HELQ: variants seen among roughly 807,000 people sequenced by gnomAD.
HELQ encodes helicase, POLQ like, also known as helicase POLQ-like.
A neutral mutation model predicts 111.6 loss-of-function variants in HELQ; 77 were observed. The ratio of observed to expected loss-of-function variants is 0.69; its 90% CI spans 0.57 to 0.83. HELQ has a LOEUF of 0.83. Among genes scored for constraint, HELQ ranks in the 40% least tolerant of loss-of-function variants. The pLI is 0.00. For missense variants in HELQ, 1,200 were observed against 1,288.5 expected, an observed-to-expected ratio of 0.93 and a Z score of 1.05; for synonymous variants, 438 against 454.7, an observed-to-expected ratio of 0.96 and a Z score of 0.47.
intron 17 of HELQ, among the ~76,000 whole-genome samples, chr4:83,415,951 T>TA (rs1309748142): frequency 6.7e-6 from 1 of 149,678 alleles, no homozygotes; most frequent in African/African-American, 2.5e-5. Context: ...CCAGCCATTT[T>TA]TTTTTTTTTT....
chr4:83,428,245 G>A (rs1240057933), intron 12 of HELQ, among the ~76,000 whole-genome samples: 1 of 150,500 alleles, frequency 6.6e-6, no homozygotes, highest in Middle Eastern at 3.5e-3. Context: ...ATATCAAACT[G>A]GTAGTAGTAG....
chr4:83,451,801 G>C (rs1578107046), intron 2 of HELQ, among the ~76,000 whole-genome samples: 2 of 152,220 alleles, frequency 1.3e-5, no homozygotes, highest in Admixed American at 6.5e-5. Context: ...AGGGAAGAAA[G>C]TTAACGTCTA....
chr4:83,424,476 T>A (rs747752548), intron 14 of HELQ, among the ~76,000 whole-genome samples: 4 of 152,204 alleles, frequency 2.6e-5, no homozygotes, highest in African/African-American at 4.8e-5. Flanking sequence ...GCCCATGCTA[T>A]CCTGAAACTC....
At chr4:83,421,497 ATTAG>A (rs1739680116) in intron 15 of HELQ, 62 bp downstream of exon 15, 7 of 1,202,016 alleles carry the variant, frequency 5.8e-6, no homozygotes, top group Non-Finnish European at 8.3e-6. Flanking sequence ...TAACTGGCTT[ATTAG>A]TTTAGTAACA....
intron 2 of HELQ, among the ~76,000 whole-genome samples, chr4:83,451,176 A>G (rs1721342796): frequency 1.3e-5 from 2 of 152,234 alleles, no homozygotes; most frequent in Non-Finnish European, 2.9e-5. Context: ...AGAAGCTACC[A>G]ATGTAATTAC....
intron 17 of HELQ, among the ~76,000 whole-genome samples, chr4:83,409,305 C>G (rs1197698753): frequency 6.6e-6 from 1 of 152,126 alleles, no homozygotes; most frequent in African/African-American, 2.4e-5. Flanking sequence ...AATCCCAGCA[C>G]TTTGAGAGGC....
chr4:83,455,751 A>C lies in HELQ; in HGVS notation c.-58T>G, dbSNP rs1024001984. On this transcript the variant is annotated 5_prime_UTR_variant, in exon 1 of 18. It removes an upstream start codon present in the reference 5' UTR. Transcript: ENST00000295488. Reference sequence around the variant, plus strand: ...TCTCAGTGACCCAGACGCTAAGCCCATATGGAAGGGAGAGTGGGACGCCGG... The same window carrying C: ...TCTCAGTGACCCAGACGCTAAGCCCCTATGGAAGGGAGAGTGGGACGCCGG... 1.6e-5 allele frequency: 24 copies of C among 1,516,992 alleles called. No individual in the cohort carries two copies. Among genetic ancestry groups the C allele is most frequent in the Middle Eastern group, 2.2e-4 (1 of 4,602 alleles). The allele number at this position is 1,516,992 out of a possible 1,614,324, so 94.0% of individuals were successfully genotyped here.
chr4:83,427,315 C>T (rs1480273115), intron 13 of HELQ, among the ~76,000 whole-genome samples: 1 of 151,760 alleles, frequency 6.6e-6, no homozygotes, highest in African/African-American at 2.4e-5. Flanking sequence ...TATCCAATTC[C>T]AAATATATTT....
At chr4:83,421,838 A>T in intron 14 of HELQ, 102 bp from the exon 15 acceptor site, 4 of 813,852 alleles carry the variant, frequency 4.9e-6, no homozygotes, top group Non-Finnish European at 8.1e-6. Flanking sequence ...ACAGAATAGC[A>T]AGGATAGAAT....
Position 83,437,005 on chromosome 4 carries a change from C to T in HELQ, c.1901G>A (p.Arg634His), listed in dbSNP as rs75013052. Residue 634 changes from arginine (R) to histidine (H), a missense_variant, in exon 9 of 18, where the codon CGC (arginine) becomes CAC (histidine). By Grantham distance (29) the Arg-to-His change is conservative. Around this residue, in one of 3 missense-constraint regions of HELQ, gnomAD observed 585 missense variants for 665.3 expected, o/e 0.88. Coordinates refer to ENST00000295488, the MANE Select transcript of HELQ (RefSeq NM_133636.5). ...GNGNLCPVLKRTIPFGVAYHH... is the reference protein window; with the variant it reads ...GNGNLCPVLKHTIPFGVAYHH... ...ATAGGCAACTCCAAATGGGATAGTG[C>T]GCTTTAAAACAGGACACAGGTTGCC... The T allele has an allele frequency of 3.6e-3, 5,765 of 1,614,024 alleles. 108 individuals are homozygous for T. In the African/African-American group the frequency reaches 0.041, roughly 11 times the overall value.
At position 83,453,917 on chromosome 4, in the gene HELQ, C is replaced by A. The variant is rs774701190; in HGVS notation, c.326G>T (p.Gly109Val). ...QPNDSEVDMF[G>V]DYDSFTENSF... is the part of the protein sequence containing the mutation. ...GTTTTCAGTAAAGCTATCATAGTCA[C>A]CAAACATGTCCACTTCACTGTCATT... Residue 109 changes from glycine to valine, a missense_variant, in exon 2 of 18, where the codon GGT (glycine) becomes GTT (valine). This residue lies in a region of HELQ where 610 missense variants were observed against 607.1 expected (regional missense o/e 1.00). Coordinates refer to ENST00000295488, the MANE Select transcript of HELQ (RefSeq NM_133636.5). 8 of 1,611,548 alleles carry A rather than the reference C, an allele frequency of 5.0e-6. No individual in the cohort carries two copies. In the South Asian group the frequency reaches 6.6e-5, roughly 13 times the overall value.
chr4:83,431,905 T>C (rs1720173080), intron 10 of HELQ, 137 bp from the exon 11 acceptor site: 1 of 501,680 alleles, frequency 2.0e-6, no homozygotes, highest in Non-Finnish European at 3.4e-6. Flanking sequence ...GAATTTAACA[T>C]TTATCTTCAT....
chr4:83,413,478 C>T (rs777152473), intron 17 of HELQ, among the ~76,000 whole-genome samples: 1 of 151,926 alleles, frequency 6.6e-6, no homozygotes, highest in Non-Finnish European at 1.5e-5. Context: ...AATGGAAAAG[C>T]CTTTTGGGGG....
chr4:83,422,899 T>A (rs1457923448), intron 14 of HELQ, among the ~76,000 whole-genome samples: 1 of 152,220 alleles, frequency 6.6e-6, no homozygotes, highest in Non-Finnish European at 1.5e-5. Context: ...CTTGTCTATA[T>A]TATAAACTAA....
intron 11 of HELQ, among the ~76,000 whole-genome samples, chr4:83,431,139 AG>A (rs1393769442): frequency 6.6e-6 from 1 of 151,688 alleles, no homozygotes; most frequent in Non-Finnish European, 1.5e-5. Context: ...AAAACAGGCC[AG>A]GCGCAGTGGC....
At chr4:83,430,058 C>T (rs763407833) in intron 11 of HELQ, among the ~76,000 whole-genome samples, 2 of 151,786 alleles carry the variant, frequency 1.3e-5, no homozygotes, top group African/African-American at 2.4e-5. Flanking sequence ...TACTCCCCAA[C>T]CAATTTTCAC....
intron 12 of HELQ, among the ~76,000 whole-genome samples, chr4:83,428,733 G>C (rs1026929537): frequency 1.3e-5 from 2 of 152,020 alleles, no homozygotes; most frequent in Non-Finnish European, 2.9e-5. Flanking sequence ...CTTTAGGTGA[G>C]AAGTTTGAGA....
chr4:83,446,557 C>T (rs955397557), intron 4 of HELQ, among the ~76,000 whole-genome samples: 2 of 152,098 alleles, frequency 1.3e-5, no homozygotes, highest in East Asian at 1.9e-4. Context: ...TCACCTGCCT[C>T]GGCCTCCCAA....
chr4:83,454,559 G>A (rs2110020237), intron 1 of HELQ, among the ~76,000 whole-genome samples: 1 of 151,588 alleles, frequency 6.6e-6, no homozygotes, highest in Non-Finnish European at 1.5e-5. Flanking sequence ...ACAGGTGCAG[G>A]CCACCACACC....
Sources: allele counts gnomAD v4.1 joint callset (sites outside exome capture counted in the v4.1 genomes callset), GRCh38; gene constraint gnomAD v4.1.1; regional missense constraint gnomAD v4.1.1; transcripts MANE v1.5; gene names NCBI Gene and HGNC (gene_info 2026-07-23, HGNC 2026-07-21).